The following GRM7 variants were observed in gnomAD, a reference collection of about 807,000 sequenced individuals.
The protein encoded by GRM7 is glutamate metabotropic receptor 7.
In GRM7, 35 loss-of-function variants were observed where a neutral mutation model predicts 84.5. The observed-to-expected ratio is 0.41, with a 90% CI of 0.32 to 0.55. GRM7 has a LOEUF of 0.55. Ranked by LOEUF, GRM7 falls within the 20% of genes least tolerant of loss-of-function variation. The pLI is 0.19. For synonymous variants in GRM7, 487 were observed against 455.1 expected, an observed-to-expected ratio of 1.07 and a Z score of -0.89; for missense variants, 1,003 against 1,194.6, an observed-to-expected ratio of 0.84 and a Z score of 2.36.
intron 4 of GRM7, among the ~76,000 whole-genome samples, chr3:7,321,811 CACTT>C (rs1356666110): frequency 6.6e-6 from 1 of 152,058 alleles, no homozygotes. Flanking sequence ...AGCATATTGG[CACTT>C]ACTTTTAAGT....
intron 4 of GRM7, among the ~76,000 whole-genome samples, chr3:7,393,938 T>C (rs1018298855): frequency 6.6e-6 from 1 of 152,188 alleles, no homozygotes; most frequent in Admixed American, 6.5e-5. Context: ...GTAGTAATTA[T>C]AACAATTAAG....
intron 1 of GRM7, among the ~76,000 whole-genome samples, chr3:7,005,252 G>T (rs1043729096): frequency 3.3e-5 from 5 of 152,232 alleles, no homozygotes; most frequent in South Asian, 4.1e-4. Flanking sequence ...TGAAAGCCCA[G>T]AGTCTCTGCT....
chr3:7,124,529 T>G (rs558844022), intron 1 of GRM7, among the ~76,000 whole-genome samples: 20 of 152,188 alleles, frequency 1.3e-4, no homozygotes, highest in Admixed American at 5.9e-4. Flanking sequence ...GTGGTGGGGA[T>G]GATTGAAAAC....
chr3:7,596,408 T>C (rs1696045840), intron 8 of GRM7, among the ~76,000 whole-genome samples: 1 of 152,120 alleles, frequency 6.6e-6, no homozygotes, highest in Non-Finnish European at 1.5e-5. Flanking sequence ...CTGCAAATGA[T>C]ACAGGAAACC....
intron 2 of GRM7, among the ~76,000 whole-genome samples, chr3:7,258,106 A>G (rs773251262): frequency 3.9e-5 from 6 of 152,144 alleles, no homozygotes; most frequent in Non-Finnish European, 8.8e-5. Flanking sequence ...GCACCCAGTG[A>G]CACAGCCTGA....
chr3:6,894,332 A>G (rs1162771875), intron 1 of GRM7, among the ~76,000 whole-genome samples: 2 of 152,206 alleles, frequency 1.3e-5, no homozygotes, highest in Non-Finnish European at 2.9e-5. Flanking sequence ...ATAAGAAAAA[A>G]TCATCAGAAA....
At chr3:6,906,214 A>G (rs1313750527) in intron 1 of GRM7, among the ~76,000 whole-genome samples, 1 of 152,126 alleles carries the variant, frequency 6.6e-6, no homozygotes, top group Non-Finnish European at 1.5e-5. Context: ...CATGTATAAT[A>G]TCGTTAGGAT....
At chr3:7,436,547 T>A (rs576362811) in intron 5 of GRM7, among the ~76,000 whole-genome samples, 1 of 152,312 alleles carries the variant, frequency 6.6e-6, no homozygotes, top group South Asian at 2.1e-4. Context: ...ATATAACAAC[T>A]AATGCTACAA....
chr3:7,419,038 G>T (rs1696288542), intron 5 of GRM7, among the ~76,000 whole-genome samples: 1 of 152,118 alleles, frequency 6.6e-6, no homozygotes, highest in South Asian at 2.1e-4. Context: ...GAAATTTTCT[G>T]CTCTTCTGGG....
intron 4 of GRM7, among the ~76,000 whole-genome samples, chr3:7,348,115 C>G (rs1332368938): frequency 6.6e-6 from 1 of 152,114 alleles, no homozygotes; most frequent in Admixed American, 6.6e-5. Flanking sequence ...GTCCTTAGCC[C>G]TCAAACATAA....
intron 5 of GRM7, among the ~76,000 whole-genome samples, chr3:7,420,111 C>T (rs567783140): frequency 4.6e-5 from 7 of 152,284 alleles, no homozygotes; most frequent in East Asian, 3.9e-4. Context: ...TGTTGATAAA[C>T]GCTGTTAATG....
At chr3:7,632,043 C>G (rs899362933) in intron 8 of GRM7, among the ~76,000 whole-genome samples, 3 of 152,054 alleles carry the variant, frequency 2.0e-5, no homozygotes, top group Admixed American at 6.6e-5. Flanking sequence ...TGTTCCAGAA[C>G]AAAGAAAGAA....
chr3:7,570,153 T>C (rs1694574078), intron 7 of GRM7, among the ~76,000 whole-genome samples: 1 of 152,160 alleles, frequency 6.6e-6, no homozygotes, highest in African/African-American at 2.4e-5. Flanking sequence ...CAATTCAAAA[T>C]GAGATTTGGG....
intron 7 of GRM7, among the ~76,000 whole-genome samples, chr3:7,549,069 G>T (rs1228202006): frequency 6.6e-6 from 1 of 152,236 alleles, no homozygotes; most frequent in East Asian, 1.9e-4. Flanking sequence ...GCAGTAGTAG[G>T]CTGGACCTAT....
intron 7 of GRM7, among the ~76,000 whole-genome samples, chr3:7,539,277 T>G (rs1386907359): frequency 6.6e-6 from 1 of 152,168 alleles, no homozygotes; most frequent in Non-Finnish European, 1.5e-5. Context: ...TCTTAAAAAA[T>G]GTCACGAGAA....
intron 2 of GRM7, among the ~76,000 whole-genome samples, chr3:7,207,595 A>G (rs1339869602): frequency 6.6e-6 from 1 of 152,166 alleles, no homozygotes; most frequent in Non-Finnish European, 1.5e-5. Context: ...ATACAAGGGG[A>G]GAGAGAAGCA....
chr3:7,355,456 A>G (rs867066139), intron 4 of GRM7, among the ~76,000 whole-genome samples: 11 of 152,248 alleles, frequency 7.2e-5, no homozygotes, highest in African/African-American at 2.6e-4. Flanking sequence ...AGTGCCAGAT[A>G]GAGGTGCTGC....
chr3:6,947,870 A>C (rs1285474204), intron 1 of GRM7, among the ~76,000 whole-genome samples: 1 of 152,168 alleles, frequency 6.6e-6, no homozygotes, highest in Non-Finnish European at 1.5e-5. Flanking sequence ...CTCTGATGGT[A>C]GTCTGTATTT....
intron 4 of GRM7, among the ~76,000 whole-genome samples, chr3:7,345,679 A>G (rs539299925): frequency 1.3e-5 from 2 of 152,094 alleles, no homozygotes; most frequent in African/African-American, 2.4e-5. Context: ...ATAAATGTCA[A>G]CTCTCTGATT....
Sources: allele counts gnomAD v4.1 joint callset (sites outside exome capture counted in the v4.1 genomes callset), GRCh38; gene constraint gnomAD v4.1.1; transcripts MANE v1.5; gene names NCBI Gene and HGNC (gene_info 2026-07-23, HGNC 2026-07-21).